JHY: variants seen among roughly 807,000 people sequenced by gnomAD.
JHY encodes the protein junctional cadherin complex regulator.
A neutral mutation model predicts 78.0 loss-of-function variants in JHY; 69 were observed. The ratio of observed to expected loss-of-function variants is 0.88; its 90% CI spans 0.73 to 1.08. The LOEUF is 1.08. Among genes scored for constraint, JHY ranks in the 50% least tolerant of loss-of-function variants. The pLI, the probability that JHY is intolerant of heterozygous loss-of-function variation, is 0.00. For synonymous variants in JHY, 368 were observed against 342.6 expected (o/e 1.07, Z -0.82); for missense variants, 944 against 927.8 (o/e 1.02, Z -0.23).
At chr11:122,926,699 A>T (rs561107183) in intron 4 of JHY, among the ~76,000 whole-genome samples, 1 of 152,336 alleles carries the variant, frequency 6.6e-6, no homozygotes, top group South Asian at 2.1e-4. Context: ...AAATACCTTA[A>T]GATTTGCCAT....
chr11:122,933,676 A>G (rs956247799), intron 4 of JHY, among the ~76,000 whole-genome samples: 1 of 152,204 alleles, frequency 6.6e-6, no homozygotes, highest in Non-Finnish European at 1.5e-5. Context: ...CTCTTTTATA[A>G]TCCTCTGAAT....
In JHY at chr11:122,883,382, G is replaced by A. The variant is rs751294791; in HGVS notation, c.-90+410G>A. ...CCAGGGTTCGTTCCTTTTTCTTTAC[G>A]ATTCATCTTGGTGAGCCCAAGCAGG... On this transcript the variant is annotated intron_variant, in intron 1 of 8. Coordinates refer to ENST00000227349, the MANE Select transcript of JHY (RefSeq NM_024806.4). This position sits in a 1 kb window ranked among gnomAD's most constrained non-coding sequence, Gnocchi z 4.4. Among the ~76,000 whole-genome samples, 10 of 152,100 alleles carry A rather than the reference G, an allele frequency of 6.6e-5. No individual in the cohort carries two copies. The highest frequency in any genetic ancestry group is 1.0e-4 in the Non-Finnish European group (7 of 68,018).
chr11:122,909,256 G>C (rs932983243), intron 3 of JHY, among the ~76,000 whole-genome samples: 1 of 152,178 alleles, frequency 6.6e-6, no homozygotes, highest in African/African-American at 2.4e-5. Flanking sequence ...AAGCTGGTGA[G>C]AGAATAAATT....
chr11:122,948,670 G>A (rs968940226), intron 6 of JHY, among the ~76,000 whole-genome samples: 3 of 151,954 alleles, frequency 2.0e-5, no homozygotes, highest in African/African-American at 4.8e-5. Flanking sequence ...AATAATGTAG[G>A]CATGCATGGG....
chr11:122,915,979 A>G (rs900047160), intron 3 of JHY, among the ~76,000 whole-genome samples: 1 of 151,972 alleles, frequency 6.6e-6, no homozygotes, highest in African/African-American at 2.4e-5. Context: ...CAATTAAATC[A>G]AAGATTTCAT....
At chr11:122,904,544 A>G (rs1862945788) in intron 3 of JHY, 100 bp downstream of exon 3, 9 of 1,339,808 alleles carry the variant, frequency 6.7e-6, no homozygotes, top group African/African-American at 1.5e-5. Context: ...TGACGATGTC[A>G]TAGCAGCCAC....
At chr11:122,911,329 A>G (rs576395647) in intron 3 of JHY, among the ~76,000 whole-genome samples, 8 of 152,370 alleles carry the variant, frequency 5.3e-5, no homozygotes, top group African/African-American at 1.9e-4. Context: ...TCAAGACAAT[A>G]TAAAGTCACA....
chr11:122,951,172 A>G (rs941094602), intron 6 of JHY, among the ~76,000 whole-genome samples: 2 of 152,158 alleles, frequency 1.3e-5, no homozygotes, highest in Non-Finnish European at 2.9e-5. Context: ...AGGATTTGTA[A>G]AGATAATAGG....
In JHY at chr11:122,914,384, A is replaced by G. The variant is rs111283498; in HGVS notation, c.864+9940A>G. On this transcript the variant is annotated intron_variant, in intron 3 of 8. Coordinates refer to ENST00000227349, the MANE Select transcript of JHY (RefSeq NM_024806.4). The stretch of plus-strand genomic sequence containing the variant: ...AATTATATTTGGTTAGAAACATAGA[A>G]TTATCTTCTTATAGGATTCTTCAGA... Among the ~76,000 whole-genome samples the G allele has an allele frequency of 4.7e-3, 718 of 152,060 alleles. 3 individuals carry two copies. Among genetic ancestry groups the G allele is most frequent in the Non-Finnish European group, 7.8e-3 (528 of 67,984 alleles).
chr11:122,959,599 C>A lies in JHY; in HGVS notation c.*154C>A. ...TTCTGCAGGATTTAAAATATGAGGC[C>A]CAATTGGATTATGGTGCCATATTTT... On this transcript the variant is annotated 3_prime_UTR_variant, in exon 9 of 9. Coordinates refer to ENST00000227349, the MANE Select transcript of JHY (RefSeq NM_024806.4). 2.9e-6 allele frequency: 2 copies of A among 697,702 alleles called. No individual in the cohort carries two copies. The highest frequency in any genetic ancestry group is 4.6e-6 in the Non-Finnish European group (2 of 433,546). 43.2% of individuals were successfully genotyped at this position (697,702 alleles called of 1,614,324 possible). A position where few individuals can be genotyped will look rare whatever the true frequency, so the allele number is the denominator to read the frequency against.
In JHY at chr11:122,910,886, C is replaced by T. The variant is rs558405427; in HGVS notation, c.864+6442C>T. On this transcript the variant is annotated intron_variant, in intron 3 of 8. Coordinates refer to ENST00000227349, the MANE Select transcript of JHY (RefSeq NM_024806.4). The stretch of plus-strand genomic sequence containing the variant: ...GATCTGCTGATTGTACATTAACATA[C>T]ATTGGAAAAATCACCTTTGAATACA... 1.6e-3 allele frequency among the ~76,000 whole-genome samples: 242 copies of T among 152,230 alleles called. 1 individual carries two copies. Among genetic ancestry groups the T allele is most frequent in the African/African-American group, 5.0e-3 (206 of 41,548 alleles).
intron 3 of JHY, among the ~76,000 whole-genome samples, chr11:122,918,957 G>A (rs989838374): frequency 6.6e-6 from 1 of 152,102 alleles, no homozygotes. Flanking sequence ...AAGGCCATGC[G>A]CTCAGATGCA....
chr11:122,926,503 CA>C (rs1454598033), intron 4 of JHY, among the ~76,000 whole-genome samples: 1 of 151,974 alleles, frequency 6.6e-6, no homozygotes, highest in African/African-American at 2.4e-5. Context: ...TTAAGAGTTG[CA>C]AAAAAAGAAA....
intron 4 of JHY, among the ~76,000 whole-genome samples, chr11:122,933,425 G>A (rs4293126): frequency 0.48 from 72,722 of 152,068 alleles, 17,665 homozygotes; most frequent in Middle Eastern, 0.54. Context: ...AGTTTTCCAC[G>A]AAGTAATGAG....
At chr11:122,920,724 A>G (rs1863343725) in intron 3 of JHY, among the ~76,000 whole-genome samples, 1 of 152,152 alleles carries the variant, frequency 6.6e-6, no homozygotes, top group Non-Finnish European at 1.5e-5. Context: ...ATGGCTCTAG[A>G]CCCAGGCACT....
chr11:122,887,321 G>T (rs1862516128), intron 2 of JHY, among the ~76,000 whole-genome samples: 1 of 151,980 alleles, frequency 6.6e-6, no homozygotes, highest in Non-Finnish European at 1.5e-5. Context: ...TATCGTGTTA[G>T]TTTTTTTTGT....
intron 3 of JHY, chr11:122,905,384 C>T: frequency 1.3e-6 from 2 of 1,488,924 alleles, no homozygotes; most frequent in South Asian, 2.9e-5. Flanking sequence ...AATGTGAGGT[C>T]ATTTTCAAAT....
chr11:122,949,840 C>CTTT (rs11402032), intron 6 of JHY, among the ~76,000 whole-genome samples: 7 of 142,448 alleles, frequency 4.9e-5, no homozygotes, highest in African/African-American at 7.7e-5. Flanking sequence ...TCTTTCTTTT[C>CTTT]TTTTTTTTTT....
At position 122,962,663 on chromosome 11, in the gene JHY, A is replaced by G. The variant is rs1864338930; in HGVS notation, c.*3218A>G. Among the ~76,000 whole-genome samples, 1 of 152,252 alleles carries G rather than the reference A, an allele frequency of 6.6e-6. No homozygotes were observed. The highest frequency in any genetic ancestry group is 2.1e-4 in the South Asian group (1 of 4,834). The stretch of plus-strand genomic sequence containing the variant: ...TTCGAACTTAATTTGGAAGAGAAAA[A>G]GAATGCATATAGAGACATTCATATT... On this transcript the variant is annotated 3_prime_UTR_variant, in exon 9 of 9. Coordinates refer to ENST00000227349, the MANE Select transcript of JHY (RefSeq NM_024806.4).
Sources: gnomAD v4.1 joint callset for allele counts (sites outside exome capture counted in the v4.1 genomes callset) on GRCh38, gnomAD v4.1.1 for gene constraint, Gnocchi (gnomAD v3.1) non-coding constraint, MANE v1.5 for transcripts, NCBI Gene and HGNC (gene_info 2026-07-23, HGNC 2026-07-21) for gene names.